INPP4A: variants seen among roughly 807,000 people sequenced by gnomAD.
INPP4A encodes inositol polyphosphate-4-phosphatase type I A, also known as inositol polyphosphate-4-phosphatase, type I, 107kD.
Under a neutral mutation model 119.8 loss-of-function variants are expected in INPP4A, and 33 were observed. The ratio of observed to expected loss-of-function variants is 0.28; its 90% confidence interval spans 0.21 to 0.37. INPP4A has a LOEUF of 0.37. INPP4A is among the 10% of genes least tolerant of loss of function. The pLI is 1.00. For missense variants in INPP4A, 956 were observed against 1,289.9 expected, an observed-to-expected ratio of 0.74 and a Z score of 3.97; for synonymous variants, 496 against 500.7, an observed-to-expected ratio of 0.99 and a Z score of 0.12.
In INPP4A at chr2:98,590,525, G is replaced by T. The variant is rs898540245; in HGVS notation, c.*2917G>T. 7 of 194,446 alleles carry T rather than the reference G, an allele frequency of 3.6e-5. No homozygotes were observed. Among genetic ancestry groups the T allele is most frequent in the African/African-American group, 1.4e-4 (6 of 43,142 alleles). 12.0% of individuals were successfully genotyped at this position (194,446 alleles called of 1,614,324 possible). ...AAGGAACGTGCGACGCGCCTCAGAAGTACGTGTTCATAAATGGTAGCCATT... is the reference window on the plus strand; with the variant it reads ...AAGGAACGTGCGACGCGCCTCAGAATTACGTGTTCATAAATGGTAGCCATT... On this transcript the variant is annotated 3_prime_UTR_variant, in exon 25 of 25. Coordinates refer to ENST00000409851, the MANE Select transcript of INPP4A (RefSeq NM_001134225.2).
Position 98,592,612 on chromosome 2 carries a change from G to A in INPP4A, c.*5004G>A, listed in dbSNP as rs1700453296. 1 of 152,232 alleles carries A rather than the reference G, an allele frequency of 6.6e-6. No individual in the cohort carries two copies. Among genetic ancestry groups the A allele is most frequent in the Admixed American group, 6.5e-5 (1 of 15,282 alleles). 9.4% of individuals were successfully genotyped at this position (152,232 alleles called of 1,614,324 possible). A position where few individuals can be genotyped will look rare whatever the true frequency, so the allele number is the denominator to read the frequency against. On this transcript the variant is annotated 3_prime_UTR_variant, in exon 25 of 25. Coordinates refer to ENST00000409851, the MANE Select transcript of INPP4A (RefSeq NM_001134225.2). ...TAGCATCCTTTTCTGAGAGGTATAT[G>A]CTGACCAAAAAGATCTTTCATTCCT...
chr2:98,593,529 T>TG lies in INPP4A; in HGVS notation c.*5923dup, dbSNP rs1700489902. Reference sequence around the variant, plus strand: ...ATCTTACACATTCCTGTTGAACAAATGGTCACTTATATGGTAGTGACTCCT... The same window carrying TG: ...ATCTTACACATTCCTGTTGAACAAATGGGTCACTTATATGGTAGTGACTCCT... On this transcript the variant is annotated 3_prime_UTR_variant, in exon 25 of 25. Coordinates refer to ENST00000409851, the MANE Select transcript of INPP4A (RefSeq NM_001134225.2). 6.6e-6 allele frequency: 1 copy of TG among 152,252 alleles called. No homozygotes were observed. Among genetic ancestry groups the TG allele is most frequent in the Non-Finnish European group, 1.5e-5 (1 of 68,064 alleles). 9.4% of individuals were successfully genotyped at this position (152,252 alleles called of 1,614,324 possible).
chr2:98,507,337 T>G lies in INPP4A; in HGVS notation c.-165-11627T>G, dbSNP rs149402582. On this transcript the variant is annotated intron_variant, in intron 1 of 24. Coordinates refer to ENST00000409851, the MANE Select transcript of INPP4A (RefSeq NM_001134225.2). ...TTTAAATGTTCTAAACAAAAGAGTT[T>G]ATGACTAATTATGTGTTTATGTTGT... 6.4e-3 allele frequency among the ~76,000 whole-genome samples: 974 copies of G among 152,350 alleles called. 8 individuals are homozygous for G. The highest frequency in any genetic ancestry group is 0.016 in the Admixed American group (250 of 15,308).
In INPP4A at chr2:98,588,944, G is replaced by A. The variant is rs954777461; in HGVS notation, c.*1336G>A. On this transcript the variant is annotated 3_prime_UTR_variant, in exon 25 of 25. Transcript: ENST00000409851. ...GTCTAAAAGCCTAGAGATTCTTCTG[G>A]TTCCTTTAGAAACATGTAACAAACT... is the stretch of plus-strand genomic sequence containing the variant. 5.2e-6 allele frequency: 1 copy of A among 190,630 alleles called. No individual in the cohort carries two copies. Among genetic ancestry groups the A allele is most frequent in the South Asian group, 1.9e-4 (1 of 5,146 alleles). The allele number at this position is 190,630 out of a possible 1,614,324, so 11.8% of individuals were successfully genotyped here. A position where few individuals can be genotyped will look rare whatever the true frequency, so the allele number is the denominator to read the frequency against.
intron 7 of INPP4A, among the ~76,000 whole-genome samples, chr2:98,537,006 ATATT>A (rs1317321829): frequency 6.6e-5 from 10 of 152,204 alleles, no homozygotes. Context: ...TTTGAGAAAA[ATATT>A]TAGTTACGTC....
chr2:98,526,254 T>G (rs879269117), intron 4 of INPP4A, among the ~76,000 whole-genome samples: 22 of 152,324 alleles, frequency 1.4e-4, no homozygotes, highest in Admixed American at 7.2e-4. Context: ...AAGAGGGAAC[T>G]TTCTAGTCTG....
chr2:98,497,148 G>A (rs1432260931), intron 1 of INPP4A, among the ~76,000 whole-genome samples: 2 of 152,248 alleles, frequency 1.3e-5, no homozygotes, highest in Non-Finnish European at 2.9e-5. Context: ...TGGCTTCAGA[G>A]GGTGCAAGCC....
chr2:98,552,673 C>T (rs779049494), intron 13 of INPP4A, 113 bp from the exon 14 acceptor site: 5 of 863,148 alleles, frequency 5.8e-6, no homozygotes, highest in Non-Finnish European at 9.9e-6. Context: ...AGAGAACATC[C>T]CTGAGTCACA....
At chr2:98,503,626 A>ATCACTTCTGATTCACTTGTGTGT (rs1163525278) in intron 1 of INPP4A, among the ~76,000 whole-genome samples, 1 of 152,216 alleles carries the variant, frequency 6.6e-6, no homozygotes, top group Non-Finnish European at 1.5e-5. Flanking sequence ...GCAGGCAGAG[A>ATCACTTCTGATTCACTTGTGTGT]TCACTTCTGA....
rs149031353 is a variant in INPP4A at position 98,565,246 on chromosome 2, C to T, written c.2153-394C>T. Among the ~76,000 whole-genome samples, 426 of 152,278 alleles carry T rather than the reference C, an allele frequency of 2.8e-3. 6 individuals carry two copies. The highest frequency in any genetic ancestry group is 9.9e-3 in the African/African-American group (410 of 41,544). On this transcript the variant is annotated intron_variant, in intron 19 of 24. Coordinates refer to ENST00000409851, the MANE Select transcript of INPP4A (RefSeq NM_001134225.2). ...GTTAATCATTGGAAATTGAGGACAT[C>T]GAATAGATATCAAGCCCTGTGTAAT...
intron 4 of INPP4A, among the ~76,000 whole-genome samples, chr2:98,525,072 T>C (rs1446024913): frequency 3.3e-5 from 5 of 152,234 alleles, no homozygotes; most frequent in Non-Finnish European, 7.3e-5. Context: ...CTCTGGGGCC[T>C]ATTTCCTATC....
intron 1 of INPP4A, among the ~76,000 whole-genome samples, chr2:98,456,993 G>A (rs1034709386): frequency 6.6e-6 from 1 of 152,208 alleles, no homozygotes; most frequent in Non-Finnish European, 1.5e-5. Flanking sequence ...TGGTGAGTGG[G>A]TGGGTTTTTA....
chr2:98,538,113 C>T (rs1690675043), intron 8 of INPP4A, 139 bp downstream of exon 8: 11 of 614,334 alleles, frequency 1.8e-5, no homozygotes, highest in South Asian at 4.0e-5. Context: ...ACGGACACTC[C>T]GGTCCTCCTT....
At chr2:98,581,322 T>A (rs1019736285) in intron 24 of INPP4A, among the ~76,000 whole-genome samples, 3 of 152,168 alleles carry the variant, frequency 2.0e-5, no homozygotes, top group African/African-American at 7.2e-5. Flanking sequence ...TTTTTCTTAT[T>A]TTCACTTCTC....
In INPP4A at chr2:98,549,944, A is replaced by T. The variant is rs1183092605; in HGVS notation, c.1164-2842A>T. Among the ~76,000 whole-genome samples the T allele has an allele frequency of 2.0e-5, 3 of 151,104 alleles. No individual in the cohort carries two copies. The East Asian group carries it at 5.9e-4, about 30-fold the overall frequency. On this transcript the variant is annotated intron_variant, in intron 13 of 24. Coordinates refer to ENST00000409851, the MANE Select transcript of INPP4A (RefSeq NM_001134225.2). ...CCTCCCTGCCTTTTCTCTACTGGGG[A>T]CTCTTTCAAGGCCTGATCTTTCCCA...
intron 1 of INPP4A, among the ~76,000 whole-genome samples, chr2:98,507,516 G>A (rs112796137): frequency 0.029 from 4,377 of 152,202 alleles, 95 homozygotes; most frequent in Non-Finnish European, 0.046. Flanking sequence ...TGCTTTGTGG[G>A]AGCTTTCTCC....
intron 24 of INPP4A, among the ~76,000 whole-genome samples, chr2:98,585,100 A>G (rs956565403): frequency 5.9e-5 from 9 of 152,186 alleles, no homozygotes; most frequent in African/African-American, 2.2e-4. Flanking sequence ...GTCTTATAAA[A>G]TTGTTGTATA....
chr2:98,585,024 G>A (rs954563176), intron 24 of INPP4A, among the ~76,000 whole-genome samples: 1 of 152,198 alleles, frequency 6.6e-6, no homozygotes, highest in African/African-American at 2.4e-5. Flanking sequence ...CCAGCTCTAG[G>A]TGTTCAGATT....
In INPP4A at chr2:98,533,483, G is replaced by A. The variant is rs2278211; in HGVS notation, c.258G>A (p.Thr86=). The A allele has an allele frequency of 0.25, 401,621 of 1,604,554 alleles. 51,969 individuals are homozygous for A. Among genetic ancestry groups the A allele is most frequent in the Middle Eastern group, 0.29 (1,733 of 6,024 alleles). ...CATTCTGGACGAAGCATGCACAGACGGAGATCATTGAGGTGGGTGCTGGTG... is the reference window on the plus strand; with the variant it reads ...CATTCTGGACGAAGCATGCACAGACAGAGATCATTGAGGTGGGTGCTGGTG... The part of the protein sequence containing the change: ...PQAFWTKHAQ[T]EIIEGTNNPI... Residue 86 remains threonine (T), a synonymous_variant, in exon 5 of 25, where the codon ACG becomes ACA. Coordinates refer to ENST00000409851, the MANE Select transcript of INPP4A (RefSeq NM_001134225.2).
Sources: allele counts gnomAD v4.1 joint callset (sites outside exome capture counted in the v4.1 genomes callset), GRCh38; gene constraint gnomAD v4.1.1; transcripts MANE v1.5; gene names NCBI Gene and HGNC (gene_info 2026-07-23, HGNC 2026-07-21).